The following GPI variants were observed in gnomAD, a reference collection of about 807,000 sequenced individuals.
GPI encodes glucose-6-phosphate isomerase.
In GPI, 56 loss-of-function variants were observed where a neutral mutation model predicts 75.8. The observed-to-expected ratio is 0.74, with a 90% CI of 0.60 to 0.92. GPI has a LOEUF of 0.92. Among genes scored for constraint, GPI ranks in the 40% least tolerant of loss-of-function variants. GPI has a pLI of 0.00. For synonymous variants in GPI, 288 were observed against 285.4 expected (o/e 1.01, Z -0.09); for missense variants, 638 against 741.0 (o/e 0.86, Z 1.61).
intron 9 of GPI, chr19:34,392,529 T>C (rs77066587): frequency 1.2e-3 from 2 of 1,618 alleles, no homozygotes; most frequent in African/African-American, 4.5e-3. Context: ...CTGTGTCTTC[T>C]AGTGTCTGAA....
Position 34,389,033 on chromosome 19 carries a change from C to T in GPI, c.805-4215C>T, listed in dbSNP as rs376270424. On this transcript the variant is annotated intron_variant, in intron 9 of 17. Coordinates refer to ENST00000356487, the MANE Select transcript of GPI (RefSeq NM_000175.5). ...ACTTGAGCCCAGGAGTTTGAGGCTGCGGTGAGCTGTGATCATGCCACTGCA... is the reference window on the plus strand; with the variant it reads ...ACTTGAGCCCAGGAGTTTGAGGCTGTGGTGAGCTGTGATCATGCCACTGCA... Among the ~76,000 whole-genome samples, 8 of 151,646 alleles carry T rather than the reference C, an allele frequency of 5.3e-5. No homozygotes were observed. The South Asian group carries it at 6.3e-4, about 12-fold the overall frequency.
intron 6 of GPI, among the ~76,000 whole-genome samples, chr19:34,378,268 A>G (rs891212703): frequency 4.6e-5 from 7 of 152,066 alleles, no homozygotes; most frequent in African/African-American, 1.7e-4. Context: ...ATCTCGGCTC[A>G]CTGCAATCTC....
intron 9 of GPI, among the ~76,000 whole-genome samples, chr19:34,387,448 C>T (rs1210213837): frequency 6.6e-6 from 1 of 150,924 alleles, no homozygotes; most frequent in Non-Finnish European, 1.5e-5. Context: ...GTATGTTTAC[C>T]TGGTGTTGTC....
In GPI at chr19:34,368,838, G is replaced by C. The variant is rs972028514; in HGVS notation, c.402+136G>C. Reference sequence around the variant, plus strand: ...CTCACTGCAGCTTAAGGGAGGGGTTGCCTGTGTGATCGCTGACCCTGGAGT... The same window carrying C: ...CTCACTGCAGCTTAAGGGAGGGGTTCCCTGTGTGATCGCTGACCCTGGAGT... On this transcript the variant is annotated intron_variant, in intron 4 of 17. Coordinates refer to ENST00000356487, the MANE Select transcript of GPI (RefSeq NM_000175.5). 5.1e-6 allele frequency: 5 copies of C among 988,014 alleles called. No individual in the cohort carries two copies. The East Asian group carries it at 7.7e-5, about 15-fold the overall frequency. The allele number at this position is 988,014 out of a possible 1,614,324, so 61.2% of individuals were successfully genotyped here.
intron 6 of GPI, among the ~76,000 whole-genome samples, chr19:34,378,406 G>C (rs1326999947): frequency 6.6e-6 from 1 of 151,810 alleles, no homozygotes; most frequent in African/African-American, 2.4e-5. Flanking sequence ...GTAGAGATGG[G>C]CTTTTGCCAT....
At chr19:34,370,726 A>G (rs1599810495) in intron 4 of GPI, among the ~76,000 whole-genome samples, 1 of 149,686 alleles carries the variant, frequency 6.7e-6, no homozygotes, top group South Asian at 2.1e-4. Context: ...CTCTGTCTCA[A>G]AAAAAAAAAA....
intron 14 of GPI, chr19:34,397,345 C>T (rs1288206871): frequency 6.5e-6 from 1 of 153,006 alleles, no homozygotes; most frequent in Non-Finnish European, 1.5e-5. Flanking sequence ...TCTCAGAGGT[C>T]ACCTGCATCC....
At chr19:34,360,430 AAAT>A (rs901488495), upstream of GPI, among the ~76,000 whole-genome samples, 5 of 152,040 alleles carry the variant, frequency 3.3e-5, no homozygotes, top group African/African-American at 7.2e-5. Context: ...CAGTCTCTAC[AAAT>A]AATAATAATA....
chr19:34,393,985 C>T lies in GPI; in HGVS notation c.981C>T (p.Tyr327=). The change falls in exon 12 of 18, where the codon TAC becomes TAT. Residue 327 remains tyrosine, a synonymous_variant. Coordinates refer to ENST00000356487, the MANE Select transcript of GPI (RefSeq NM_000175.5). This position sits in a 1 kb window ranked among gnomAD's most constrained non-coding sequence, Gnocchi z 4.4. Reference sequence around the variant, plus strand: ...TGCTGGCCCTGCTGGGTATCTGGTACATCAACTGCTTTGGGTGTGAGACAC... The same window carrying T: ...TGCTGGCCCTGCTGGGTATCTGGTATATCAACTGCTTTGGGTGTGAGACAC... The part of the protein sequence containing the change: ...PVLLALLGIW[Y]INCFGCETHA... The T allele has an allele frequency of 6.2e-7, 1 of 1,613,300 alleles. No individual in the cohort carries two copies. The highest frequency in any genetic ancestry group is 1.1e-5 in the South Asian group (1 of 91,074).
At chr19:34,365,433 A>T in intron 1 of GPI, 45 bp downstream of exon 1, 1 of 1,519,452 alleles carries the variant, frequency 6.6e-7, no homozygotes, top group South Asian at 1.2e-5. Flanking sequence ...CGGCGCCCGG[A>T]ACCGGGCACG....
intron 4 of GPI, among the ~76,000 whole-genome samples, chr19:34,376,093 A>G (rs1019803484): frequency 3.3e-5 from 5 of 152,178 alleles, no homozygotes; most frequent in African/African-American, 1.2e-4. Flanking sequence ...GAAAGAGTCT[A>G]GTTGGTGGTG....
intron 9 of GPI, among the ~76,000 whole-genome samples, chr19:34,391,861 A>G (rs796570094): frequency 1.1e-3 from 2 of 1,782 alleles, no homozygotes; most frequent in East Asian, 0.016. Flanking sequence ...ATCTGGCATA[A>G]GCATGAGGAT....
chr19:34,366,091 C>T (rs1380823588), intron 1 of GPI: 1 of 681,504 alleles, frequency 1.5e-6, no homozygotes. Flanking sequence ...TGGTCCCCCA[C>T]TTCAGTCCGG....
At chr19:34,382,771 G>T (rs2074674359) in intron 9 of GPI, among the ~76,000 whole-genome samples, 1 of 152,108 alleles carries the variant, frequency 6.6e-6, no homozygotes, top group Non-Finnish European at 1.5e-5. Flanking sequence ...GAGAGGATGG[G>T]TCTGGCCTCC....
chr19:34,359,719 C>G (rs1164992108), exon 1 of GPI: 3 of 152,878 alleles, frequency 2.0e-5, no homozygotes, highest in African/African-American at 7.2e-5. Context: ...GACCACCCCA[C>G]CAGTCCTCTG....
chr19:34,380,959 A>C, intron 8 of GPI: 1 of 258,376 alleles, frequency 3.9e-6, no homozygotes, highest in South Asian at 4.6e-5. Flanking sequence ...TGCCCTGGGG[A>C]CCAGAATACC....
rs752998496 is a variant in GPI, at chr19:34,377,603, C to T, written c.486+17C>T. On this transcript the variant is annotated intron_variant, in intron 5 of 17. Transcript: ENST00000356487. ...TCCGACCTGGTGAGGAGAAAACTGC[C>T]TTGGGGTAGGGTGGGAGTCTGGGCA... The T allele has an allele frequency of 1.2e-6, 2 of 1,605,514 alleles. No individual in the cohort carries two copies. Among genetic ancestry groups the T allele is most frequent in the South Asian group, 1.1e-5 (1 of 90,946 alleles).
intron 4 of GPI, 143 bp from the exon 5 acceptor site, chr19:34,377,360 G>C: frequency 3.8e-6 from 1 of 266,408 alleles, no homozygotes. Flanking sequence ...TATATATATG[G>C]TAAATTAAAA....
chr19:34,381,585 G>A, intron 9 of GPI, 66 bp downstream of exon 9: 1 of 1,057,658 alleles, frequency 9.5e-7, no homozygotes, highest in Non-Finnish European at 1.5e-6. Flanking sequence ...CTGTTGAGAG[G>A]CCCATGAGGT....
Sources: allele counts gnomAD v4.1 joint callset (sites outside exome capture counted in the v4.1 genomes callset), GRCh38; gene constraint gnomAD v4.1.1; non-coding constraint Gnocchi (gnomAD v3.1); transcripts MANE v1.5; gene names NCBI Gene and HGNC (gene_info 2026-07-23, HGNC 2026-07-21).